The following MRTFB variants were observed in gnomAD, a reference collection of about 807,000 sequenced individuals.
MRTFB encodes the protein myocardin related transcription factor B.
Under a neutral mutation model 104.2 loss-of-function variants are expected in MRTFB, and 29 were observed. The observed-to-expected ratio is 0.28, with a 90% CI of 0.21 to 0.38. The LOEUF (loss-of-function observed/expected upper bound fraction) is 0.38, where lower values mean the gene tolerates loss of function less well. Ranked by LOEUF, MRTFB falls within the 10% of genes least tolerant of loss-of-function variation. MRTFB has a pLI of 1.00. For missense variants in MRTFB, 1,270 were observed against 1,341.6 expected (o/e 0.95, Z 0.83); for synonymous variants, 535 against 519.5 (o/e 1.03, Z -0.41).
intron 3 of MRTFB, among the ~76,000 whole-genome samples, chr16:14,180,204 C>T (rs577786764): frequency 6.6e-6 from 1 of 152,352 alleles, no homozygotes; most frequent in South Asian, 2.1e-4. Flanking sequence ...GTCACACACA[C>T]ACCTAACATG....
rs142412898 is a variant in MRTFB, at chr16:14,195,419, T to A, written c.155-14824T>A. 197 of 631,440 alleles carry A rather than the reference T, an allele frequency of 3.1e-4. No individual in the cohort carries two copies. The African/African-American group carries it at 3.6e-3, about 12-fold the overall frequency. The allele number at this position is 631,440 out of a possible 1,614,324, so 39.1% of individuals were successfully genotyped here. A position where few individuals can be genotyped will look rare whatever the true frequency, so the allele number is the denominator to read the frequency against. On this transcript the variant is annotated intron_variant, in intron 3 of 16. Coordinates refer to ENST00000571589, the MANE Select transcript of MRTFB (RefSeq NM_001308142.2). ...TGTTTTGCTAGGCACATTGCACATG[T>A]GTGTGTATATATATACATAGGTATA...
At chr16:14,234,995 G>T (rs1194292754) in intron 9 of MRTFB, among the ~76,000 whole-genome samples, 1 of 152,108 alleles carries the variant, frequency 6.6e-6, no homozygotes, top group Admixed American at 6.6e-5. Context: ...AACTAAAAAA[G>T]GATATTACAG....
chr16:14,206,929 TA>T lies in MRTFB; in HGVS notation c.155-3300del, dbSNP rs572155149. ...TCCACCTATGGGTGCAGATAAAAGC[TA>T]AAAAAAAAAAAAACTGGGTAATCAA... On this transcript the variant is annotated intron_variant, in intron 3 of 16. Coordinates refer to ENST00000571589, the MANE Select transcript of MRTFB (RefSeq NM_001308142.2). Among the ~76,000 whole-genome samples, 271 of 137,774 alleles carry T rather than the reference TA, an allele frequency of 2.0e-3. 1 individual carries two copies. The highest frequency in any genetic ancestry group is 7.7e-3 in the East Asian group (37 of 4,782). The allele number at this position is 137,774 out of a possible 152,430, so 90.4% of individuals were successfully genotyped here. A position where few individuals can be genotyped will look rare whatever the true frequency, so the allele number is the denominator to read the frequency against.
chr16:14,236,228 TAAG>T (rs1241053742), intron 9 of MRTFB, among the ~76,000 whole-genome samples: 3 of 152,150 alleles, frequency 2.0e-5, no homozygotes, highest in South Asian at 2.1e-4. Context: ...GATAACGAAA[TAAG>T]AAGGTAAATA....
At chr16:14,250,340 A>C (rs1258835154) in intron 13 of MRTFB, among the ~76,000 whole-genome samples, 2 of 152,218 alleles carry the variant, frequency 1.3e-5, no homozygotes, top group African/African-American at 4.8e-5. Flanking sequence ...AGTATTTTTG[A>C]GCAAACCAAG....
intron 2 of MRTFB, among the ~76,000 whole-genome samples, chr16:14,084,898 A>G (rs2034607858): frequency 6.6e-6 from 1 of 152,226 alleles, no homozygotes; most frequent in African/African-American, 2.4e-5. Context: ...ATAAAAAGCC[A>G]ATTAACTATC....
intron 3 of MRTFB, among the ~76,000 whole-genome samples, chr16:14,171,219 A>G (rs1362157983): frequency 1.3e-5 from 2 of 152,198 alleles, no homozygotes; most frequent in Non-Finnish European, 2.9e-5. Flanking sequence ...TAGAGTATTT[A>G]TAAACTAAGA....
intron 2 of MRTFB, among the ~76,000 whole-genome samples, chr16:14,130,629 C>T (rs2037390447): frequency 6.6e-6 from 1 of 152,152 alleles, no homozygotes. Context: ...TTGGTGAAAC[C>T]ACTATAATAG....
At chr16:14,033,572 C>A in the MRTFB span, among the ~76,000 whole-genome samples, 1 of 151,462 alleles carries the variant, frequency 6.6e-6, no homozygotes, top group Non-Finnish European at 1.5e-5. Flanking sequence ...TACAGTGGCT[C>A]ACACCTCTAA....
the MRTFB span, among the ~76,000 whole-genome samples, chr16:14,005,671 C>T: frequency 2.6e-5 from 4 of 152,086 alleles, no homozygotes; most frequent in Admixed American, 1.3e-4. Flanking sequence ...AAGCATGTTC[C>T]GGAGATGGTC....
intron 3 of MRTFB, chr16:14,200,863 G>C (rs2040669846): frequency 1.4e-6 from 2 of 1,454,838 alleles, no homozygotes; most frequent in African/African-American, 1.4e-5. Flanking sequence ...CAACCTGTAT[G>C]GTTACCTCAG....
chr16:14,140,135 G>A (rs9939493), intron 2 of MRTFB, among the ~76,000 whole-genome samples: 1,704 of 152,238 alleles, frequency 0.011, 33 homozygotes, highest in African/African-American at 0.038. Flanking sequence ...AAACCTTCCT[G>A]GTTGCTGTGA....
At chr16:14,092,976 A>G (rs1161014904) in intron 2 of MRTFB, 1 of 152,238 alleles carries the variant, frequency 6.6e-6, no homozygotes, top group Non-Finnish European at 1.5e-5. Flanking sequence ...AAAATGAATT[A>G]TAGACTTCAT....
chr16:14,152,539 T>C (rs2142802081), intron 3 of MRTFB: 1 of 152,272 alleles, frequency 6.6e-6, no homozygotes, highest in South Asian at 2.1e-4. Context: ...TATTGTGTAT[T>C]TTTATGCATT....
chr16:14,099,694 G>C (rs1167167795), intron 2 of MRTFB, among the ~76,000 whole-genome samples: 1 of 140,888 alleles, frequency 7.1e-6, no homozygotes, highest in Non-Finnish European at 1.5e-5. Context: ...TTGAGACAGA[G>C]TCTCACTGTG....
the MRTFB span, among the ~76,000 whole-genome samples, chr16:14,017,056 C>CTTTTTT: frequency 4.0e-5 from 5 of 125,442 alleles, no homozygotes; most frequent in African/African-American, 1.5e-4. Flanking sequence ...CAGTCTTCTT[C>CTTTTTT]TTTTTTTTTT....
intron 3 of MRTFB, among the ~76,000 whole-genome samples, chr16:14,172,526 T>G (rs1363454750): frequency 1.3e-5 from 2 of 152,168 alleles, no homozygotes; most frequent in African/African-American, 4.8e-5. Context: ...TGTCAGAGAT[T>G]TATCTGTCAG....
chr16:13,997,792 CAAAAA>C, the MRTFB span, among the ~76,000 whole-genome samples: 2 of 90,766 alleles, frequency 2.2e-5, no homozygotes, highest in Non-Finnish European at 2.1e-5. Context: ...GACCCTATCT[CAAAAA>C]AAAAAAAAAA....
chr16:14,187,127 G>T (rs1388086522), intron 3 of MRTFB: 4 of 1,027,870 alleles, frequency 3.9e-6, no homozygotes, highest in Non-Finnish European at 5.6e-6. Flanking sequence ...CTATGTGTCT[G>T]CTCTCTCTGT....
Sources: gnomAD v4.1 joint callset for allele counts (sites outside exome capture counted in the v4.1 genomes callset) on GRCh38, gnomAD v4.1.1 for gene constraint, MANE v1.5 for transcripts, NCBI Gene and HGNC (gene_info 2026-07-23, HGNC 2026-07-21) for gene names.